SULT1C4: variants seen among roughly 807,000 people sequenced by gnomAD.
The protein encoded by SULT1C4 is sulfotransferase 1C4.
A neutral mutation model predicts 34.8 loss-of-function variants in SULT1C4; 32 were observed. The ratio of observed to expected loss-of-function variants is 0.92; its 90% CI spans 0.69 to 1.23. The LOEUF (loss-of-function observed/expected upper bound fraction) is 1.23, where lower values mean the gene tolerates loss of function less well. SULT1C4 is among the 50% of genes most tolerant of loss of function. The probability of loss-of-function intolerance (pLI) is 0.00; values close to 1 mark genes in which losing one functional copy is unlikely to be tolerated. For synonymous variants in SULT1C4, 111 were observed against 120.5 expected, an observed-to-expected ratio of 0.92 and a Z score of 0.51; for missense variants, 375 against 365.9, an observed-to-expected ratio of 1.02 and a Z score of -0.20.
rs1470911504 is a variant in SULT1C4 at position 108,388,810 on chromosome 2, TC to T, written c.*1380del. Among the ~76,000 whole-genome samples, 5 of 152,090 alleles carry T rather than the reference TC, an allele frequency of 3.3e-5. No homozygotes were observed. The highest frequency in any genetic ancestry group is 1.2e-4 in the African/African-American group (5 of 41,412). On this transcript the variant is annotated 3_prime_UTR_variant, in exon 7 of 7. Transcript: ENST00000272452. Reference sequence around the variant, plus strand: ...CTCCCAGTTTTATTTATACCAAGCCTCCTCCTGAAATTTCTCTTCCTTTCTT... The same window carrying T: ...CTCCCAGTTTTATTTATACCAAGCCTCTCCTGAAATTTCTCTTCCTTTCTT...
At position 108,378,472 on chromosome 2, in the gene SULT1C4, T is replaced by C. The variant is rs745791301; in HGVS notation, c.135T>C (p.Pro45=). The change falls in exon 1 of 7, where the codon CCT becomes CCC. Residue 45 remains proline (P), a synonymous_variant. Transcript: ENST00000272452. ...WDKIWNFQAK[P]DDLLISTYPK... is the part of the protein sequence containing the mutation. Reference sequence around the variant, plus strand: ...AGATCTGGAACTTCCAAGCCAAGCCTGATGACCTGCTTATTTCTACCTATC... The same window carrying C: ...AGATCTGGAACTTCCAAGCCAAGCCCGATGACCTGCTTATTTCTACCTATC... The C allele has an allele frequency of 4.3e-6, 7 of 1,614,154 alleles. No homozygotes were observed. Among genetic ancestry groups the C allele is most frequent in the Non-Finnish European group, 5.9e-6 (7 of 1,180,028 alleles).
At chr2:108,386,077 T>C (rs1484970727) in intron 5 of SULT1C4, 115 bp from the exon 6 acceptor site, 1 of 830,888 alleles carries the variant, frequency 1.2e-6, no homozygotes. Context: ...TTTGTTAAGA[T>C]TTGTTTTTTA....
chr2:108,383,017 G>T (rs1169126085), intron 3 of SULT1C4, 76 bp from the exon 4 acceptor site: 6 of 1,451,138 alleles, frequency 4.1e-6, no homozygotes, highest in Non-Finnish European at 5.5e-6. Context: ...ACTTGCCTGG[G>T]CAGTAACAGC....
chr2:108,378,514 G>C lies in SULT1C4; in HGVS notation c.169+8G>C. The C allele has an allele frequency of 1.9e-6, 3 of 1,613,288 alleles. No individual in the cohort carries two copies. Among genetic ancestry groups the C allele is most frequent in the Non-Finnish European group, 2.5e-6 (3 of 1,179,596 alleles). ...CTACCTATCCTAAAGCAGGTAGGTGGAAGGGCTTGCAGGGGAAGGGGAAGA... is the reference window on the plus strand; with the variant it reads ...CTACCTATCCTAAAGCAGGTAGGTGCAAGGGCTTGCAGGGGAAGGGGAAGA... On this transcript the variant is annotated splice_region_variant and intron_variant, in intron 1 of 6. Transcript: ENST00000272452.
intron 1 of SULT1C4, among the ~76,000 whole-genome samples, chr2:108,380,613 G>A (rs528708889): frequency 3.2e-4 from 48 of 152,302 alleles, no homozygotes; most frequent in African/African-American, 9.9e-4. Context: ...TTCATCAAAG[G>A]GTGAAGATTA....
In SULT1C4 at chr2:108,378,496, T is replaced by C. The variant is rs199571394; in HGVS notation, c.159T>C (p.Tyr53=). 2 of 1,613,678 alleles carry C rather than the reference T, an allele frequency of 1.2e-6. No homozygotes were observed. The highest frequency in any genetic ancestry group is 1.7e-6 in the Non-Finnish European group (2 of 1,179,864). Residue 53 remains tyrosine (Y), a synonymous_variant, in exon 1 of 7, where the codon TAT becomes TAC. Transcript: ENST00000272452. Reference sequence around the variant, plus strand: ...CTGATGACCTGCTTATTTCTACCTATCCTAAAGCAGGTAGGTGGAAGGGCT... The same window carrying C: ...CTGATGACCTGCTTATTTCTACCTACCCTAAAGCAGGTAGGTGGAAGGGCT... ...AKPDDLLIST[Y]PKAGTTWTQE...
chr2:108,382,443 T>C lies in SULT1C4; in HGVS notation c.354T>C (p.Phe118=), dbSNP rs1161279288. The C allele has an allele frequency of 6.2e-7, 1 of 1,614,108 alleles. No individual in the cohort carries two copies. Among genetic ancestry groups the C allele is most frequent in the Admixed American group, 1.7e-5 (1 of 60,014 alleles). The change falls in exon 3 of 7, where the codon TTT becomes TTC. Residue 118 remains phenylalanine (F), a synonymous_variant. Coordinates refer to ENST00000272452, the MANE Select transcript of SULT1C4 (RefSeq NM_006588.4). ...SPRILKTHLP[F]HLLPPSLLEK... ...GGATCCTGAAAACACATCTTCCCTTTCACTTGCTGCCACCATCCTTGCTAG... is the reference window on the plus strand; with the variant it reads ...GGATCCTGAAAACACATCTTCCCTTCCACTTGCTGCCACCATCCTTGCTAG...
chr2:108,383,490 T>C lies in SULT1C4; in HGVS notation c.595T>C (p.Phe199Leu). 1 of 1,613,976 alleles carries C rather than the reference T, an allele frequency of 6.2e-7. No individual in the cohort carries two copies. The highest frequency in any genetic ancestry group is 1.1e-5 in the South Asian group (1 of 91,064). Reference sequence around the variant, plus strand: ...AGACAAACACCGTATTCTCTATCTCTTCTATGAGGACATGAAGAAGGTGAG... The same window carrying C: ...AGACAAACACCGTATTCTCTATCTCCTCTATGAGGACATGAAGAAGGTGAG... ...AKDKHRILYL[F>L]YEDMKKNPKH... Residue 199 changes from phenylalanine to leucine, a missense_variant, in exon 5 of 7, where the codon TTC becomes CTC. Coordinates refer to ENST00000272452, the MANE Select transcript of SULT1C4 (RefSeq NM_006588.4).
intron 3 of SULT1C4, 42 bp downstream of exon 3, chr2:108,382,524 A>G: frequency 6.8e-7 from 1 of 1,468,530 alleles, no homozygotes; most frequent in Non-Finnish European, 9.5e-7. Context: ...TCCTTAAAAC[A>G]ACCTTAGTCT....
In SULT1C4 at chr2:108,386,249, A is replaced by G. The variant is rs1055170402; in HGVS notation, c.673A>G (p.Lys225Glu). 2.6e-6 allele frequency: 4 copies of G among 1,565,900 alleles called. No homozygotes were observed. The highest frequency in any genetic ancestry group is 3.5e-6 in the Non-Finnish European group (4 of 1,155,016). ...ATTTATTGGGAAGAAATTAGATGAC[A>G]AAGTTCTAGATAAAATTGTCCATTA... Reference protein sequence around the residue: ...AEFIGKKLDDKVLDKIVHYTS... With the variant: ...AEFIGKKLDDEVLDKIVHYTS... The change falls in exon 6 of 7, where the codon AAA (lysine) becomes GAA (glutamate). Residue 225 changes from lysine (K) to glutamate (E), a missense_variant. Coordinates refer to ENST00000272452, the MANE Select transcript of SULT1C4 (RefSeq NM_006588.4).
chr2:108,379,976 C>G (rs1443796898), intron 1 of SULT1C4, among the ~76,000 whole-genome samples: 1 of 152,196 alleles, frequency 6.6e-6, no homozygotes, highest in Admixed American at 6.5e-5. Context: ...AAAACTAGTA[C>G]AAATGGCTGG....
chr2:108,382,985 G>T, intron 3 of SULT1C4, 108 bp from the exon 4 acceptor site: 2 of 1,073,240 alleles, frequency 1.9e-6, no homozygotes, highest in Non-Finnish European at 2.4e-6. Context: ...TGAACTGTAT[G>T]AAATGTATCT....
rs760587079 is a variant in SULT1C4, at chr2:108,386,231, G to A, written c.655G>A (p.Gly219Arg). ...AATTCAGAAGCTGGCAGAATTTATTGGGAAGAAATTAGATGACAAAGTTCT... is the reference window on the plus strand; with the variant it reads ...AATTCAGAAGCTGGCAGAATTTATTAGGAAGAAATTAGATGACAAAGTTCT... ...HEIQKLAEFI[G>R]KKLDDKVLDK... Residue 219 changes from glycine to arginine, a missense_variant, in exon 6 of 7, where the codon GGG (glycine) becomes AGG (arginine). By Grantham distance (125) the Gly-to-Arg change is moderately radical. Transcript: ENST00000272452. 2 of 1,543,764 alleles carry A rather than the reference G, an allele frequency of 1.3e-6. No homozygotes were observed. Among genetic ancestry groups the A allele is most frequent in the Admixed American group, 3.9e-5 (2 of 51,472 alleles).
intron 5 of SULT1C4, among the ~76,000 whole-genome samples, chr2:108,383,743 C>T (rs1558701921): frequency 6.6e-6 from 1 of 152,162 alleles, no homozygotes; most frequent in African/African-American, 2.4e-5. Context: ...CCCTTACAGG[C>T]AGGTTATTAC....
intron 1 of SULT1C4, among the ~76,000 whole-genome samples, chr2:108,378,965 A>C (rs1678319197): frequency 6.6e-6 from 1 of 152,158 alleles, no homozygotes; most frequent in Non-Finnish European, 1.5e-5. Flanking sequence ...TCTGAGAACC[A>C]TCCTTCTGAT....
intron 5 of SULT1C4, among the ~76,000 whole-genome samples, chr2:108,384,519 G>A (rs981485232): frequency 6.6e-6 from 1 of 152,178 alleles, no homozygotes; most frequent in Admixed American, 6.5e-5. Flanking sequence ...GAGCCACCAC[G>A]CCCAGCCAAT....
chr2:108,387,260 A>G (rs1678591851), intron 6 of SULT1C4, 60 bp from the exon 7 acceptor site: 1 of 1,271,096 alleles, frequency 7.9e-7, no homozygotes, highest in South Asian at 1.3e-5. Context: ...AAACAGGAGA[A>G]TAGGGAAGCA....
At position 108,378,406 on chromosome 2, in the gene SULT1C4, G is replaced by A; in HGVS notation, c.69G>A (p.Lys23=). The change falls in exon 1 of 7, where the codon AAG becomes AAA. Residue 23 remains lysine (K), a synonymous_variant. Coordinates refer to ENST00000272452, the MANE Select transcript of SULT1C4 (RefSeq NM_006588.4). ...AGCGCTTAAGTGTCAACTACGTGAA[G>A]GGAATTCTTCAACCGACAGACACCT... ...GTKRLSVNYV[K]GILQPTDTCD... is the part of the protein sequence containing the mutation. The A allele has an allele frequency of 6.2e-7, 1 of 1,614,194 alleles. No individual in the cohort carries two copies. Among genetic ancestry groups the A allele is most frequent in the Non-Finnish European group, 8.5e-7 (1 of 1,180,030 alleles).
intron 1 of SULT1C4, 135 bp downstream of exon 1, chr2:108,378,641 T>C: frequency 1.0e-6 from 1 of 962,614 alleles, no homozygotes; most frequent in East Asian, 2.6e-5. Context: ...AAGTTACTAG[T>C]GGAAACTGAA....
Sources: allele counts gnomAD v4.1 joint callset (sites outside exome capture counted in the v4.1 genomes callset), GRCh38; gene constraint gnomAD v4.1.1; transcripts MANE v1.5; gene names NCBI Gene and HGNC (gene_info 2026-07-23, HGNC 2026-07-21).